SLC35F1: variants seen among roughly 807,000 people sequenced by gnomAD.
The protein encoded by SLC35F1 is chromosome 6 open reading frame 169.
Under a neutral mutation model 48.7 loss-of-function variants are expected in SLC35F1, and 14 were observed. That is an observed-to-expected ratio of 0.29 (90% CI 0.19 to 0.45). SLC35F1 has a LOEUF of 0.45. Ranked by LOEUF, SLC35F1 falls within the 20% of genes least tolerant of loss-of-function variation. The probability of loss-of-function intolerance (pLI) is 1.00; values close to 1 mark genes in which losing one functional copy is unlikely to be tolerated. For missense variants in SLC35F1, 404 were observed against 500.0 expected (o/e 0.81, Z 1.83); for synonymous variants, 190 against 202.2 (o/e 0.94, Z 0.51).
intron 1 of SLC35F1, among the ~76,000 whole-genome samples, chr6:118,146,498 C>G (rs1773975029): frequency 6.6e-6 from 1 of 152,160 alleles, no homozygotes; most frequent in South Asian, 2.1e-4. Context: ...CAAATTATGT[C>G]TCTCTCATTA....
At chr6:117,956,936 G>T (rs1776435572) in intron 1 of SLC35F1, among the ~76,000 whole-genome samples, 2 of 152,174 alleles carry the variant, frequency 1.3e-5, no homozygotes, top group African/African-American at 4.8e-5. Flanking sequence ...GCTGAAAAAG[G>T]AGAGAAGATG....
intron 1 of SLC35F1, among the ~76,000 whole-genome samples, chr6:117,942,060 A>T (rs1241803713): frequency 6.6e-6 from 1 of 152,216 alleles, no homozygotes; most frequent in Non-Finnish European, 1.5e-5. Flanking sequence ...GGTCAATGAC[A>T]TGTATTTTAT....
At chr6:117,969,033 G>A (rs1316703038) in intron 1 of SLC35F1, among the ~76,000 whole-genome samples, 1 of 152,132 alleles carries the variant, frequency 6.6e-6, no homozygotes, top group Non-Finnish European at 1.5e-5. Context: ...ATGTTTTCTT[G>A]TAGGTTGAAA....
intron 2 of SLC35F1, among the ~76,000 whole-genome samples, chr6:118,196,327 T>C (rs1774800293): frequency 6.6e-6 from 1 of 152,224 alleles, no homozygotes; most frequent in African/African-American, 2.4e-5. Context: ...GATTTGAATA[T>C]AGACGTACAG....
chr6:118,199,668 A>G (rs1774847700), intron 2 of SLC35F1, among the ~76,000 whole-genome samples: 1 of 152,188 alleles, frequency 6.6e-6, no homozygotes, highest in African/African-American at 2.4e-5. Flanking sequence ...ATATGGTTGC[A>G]AAACTGGTAA....
intron 1 of SLC35F1, among the ~76,000 whole-genome samples, chr6:118,093,821 G>A (rs1014252780): frequency 1.3e-5 from 2 of 152,360 alleles, no homozygotes; most frequent in Middle Eastern, 3.4e-3. Flanking sequence ...AGAGTATCCA[G>A]TAAGGTCGGA....
At chr6:118,115,110 C>T (rs1175992400) in intron 1 of SLC35F1, among the ~76,000 whole-genome samples, 1 of 152,152 alleles carries the variant, frequency 6.6e-6, no homozygotes, top group Non-Finnish European at 1.5e-5. Flanking sequence ...TGTGGCTGGT[C>T]CAGCAGAGTG....
intron 3 of SLC35F1, among the ~76,000 whole-genome samples, chr6:118,256,097 C>A (rs1775639714): frequency 6.6e-6 from 1 of 151,988 alleles, no homozygotes; most frequent in Admixed American, 6.6e-5. Context: ...GGGATGGTGA[C>A]AAATCCAGGC....
At chr6:118,053,003 T>TTGA (rs1772412757) in intron 1 of SLC35F1, among the ~76,000 whole-genome samples, 2 of 152,062 alleles carry the variant, frequency 1.3e-5, no homozygotes, top group African/African-American at 2.4e-5. Context: ...GTGATTATCA[T>TTGA]TAACTTTGAT....
chr6:118,162,605 G>C (rs918680128), intron 2 of SLC35F1, among the ~76,000 whole-genome samples: 1 of 152,148 alleles, frequency 6.6e-6, no homozygotes, highest in Non-Finnish European at 1.5e-5. Context: ...TACCATGATG[G>C]AATAAGTTAT....
intron 1 of SLC35F1, among the ~76,000 whole-genome samples, chr6:118,070,989 T>G: frequency 7.5e-6 from 1 of 133,632 alleles, no homozygotes; most frequent in Non-Finnish European, 1.6e-5. Context: ...ATATATATTC[T>G]ACGTGTGTGT....
At chr6:118,287,023 A>G (rs185613760) in intron 7 of SLC35F1, among the ~76,000 whole-genome samples, 1 of 152,206 alleles carries the variant, frequency 6.6e-6, no homozygotes, top group Admixed American at 6.5e-5. Context: ...CAAAACCGAG[A>G]GCTTAAAGAA....
At chr6:118,309,391 T>A (rs1007482868) in intron 7 of SLC35F1, among the ~76,000 whole-genome samples, 2 of 152,062 alleles carry the variant, frequency 1.3e-5, no homozygotes, top group Admixed American at 6.6e-5. Context: ...AAAGGGACTC[T>A]TTAAGGTACA....
At chr6:118,132,486 T>C (rs1230769149) in intron 1 of SLC35F1, among the ~76,000 whole-genome samples, 4 of 152,198 alleles carry the variant, frequency 2.6e-5, no homozygotes, top group Admixed American at 2.6e-4. Context: ...GTGCCTCAGT[T>C]TCCTCATCTG....
At chr6:118,234,593 C>A (rs1775338018) in intron 2 of SLC35F1, among the ~76,000 whole-genome samples, 1 of 152,140 alleles carries the variant, frequency 6.6e-6, no homozygotes, top group Admixed American at 6.5e-5. Context: ...AAGCTCTAAC[C>A]TGGTTCTTGA....
intron 2 of SLC35F1, 133 bp from the exon 3 acceptor site, chr6:118,235,376 A>G: frequency 1.1e-6 from 1 of 920,144 alleles, no homozygotes; most frequent in Non-Finnish European, 1.6e-6. Context: ...TGATACGTTG[A>G]TTTATTTGTT....
chr6:118,076,912 C>A (rs1304228735), intron 1 of SLC35F1, among the ~76,000 whole-genome samples: 16 of 151,690 alleles, frequency 1.1e-4, no homozygotes, highest in Admixed American at 9.2e-4. Flanking sequence ...CAGTTTTTTT[C>A]TCTTTCTTGA....
intron 1 of SLC35F1, among the ~76,000 whole-genome samples, chr6:118,038,085 G>A (rs1772160583): frequency 1.3e-5 from 2 of 152,128 alleles, no homozygotes; most frequent in South Asian, 2.1e-4. Context: ...CAGCCATATA[G>A]ATCCCATTAA....
chr6:117,971,353 C>T (rs1174432762), intron 1 of SLC35F1, among the ~76,000 whole-genome samples: 1 of 152,220 alleles, frequency 6.6e-6, no homozygotes, highest in Non-Finnish European at 1.5e-5. Flanking sequence ...GTACAGCCCC[C>T]CTCCCAGCTG....
Sources: gnomAD v4.1 joint callset for allele counts (sites outside exome capture counted in the v4.1 genomes callset) on GRCh38, gnomAD v4.1.1 for gene constraint, MANE v1.5 for transcripts, NCBI Gene and HGNC (gene_info 2026-07-23, HGNC 2026-07-21) for gene names.